Variants in INTS4 observed in about 807,000 individuals in gnomAD.
INTS4 encodes the protein MSTP093.
In INTS4, 70 loss-of-function variants were observed where a neutral mutation model predicts 119.5. That is an observed-to-expected ratio of 0.59 (90% CI 0.48 to 0.71). The LOEUF (loss-of-function observed/expected upper bound fraction) is 0.71, where lower values mean the gene tolerates loss of function less well. Among genes scored for constraint, INTS4 ranks in the 30% least tolerant of loss-of-function variants. The pLI is 0.00. For synonymous variants in INTS4, 316 were observed against 419.6 expected (o/e 0.75, Z 3.02); for missense variants, 867 against 1,173.2 (o/e 0.74, Z 3.81).
intron 4 of INTS4, chr11:77,978,168 AG>A (rs1481100618): frequency 6.6e-6 from 1 of 152,178 alleles, no homozygotes; most frequent in Non-Finnish European, 1.5e-5. Context: ...CTGGGATTAT[AG>A]GTGTGAGCCA....
intron 8 of INTS4, among the ~76,000 whole-genome samples, chr11:77,945,906 GC>G (rs1954037288): frequency 6.6e-6 from 1 of 152,116 alleles, no homozygotes; most frequent in African/African-American, 2.4e-5. Flanking sequence ...CTGCCAAACT[GC>G]CCAGCCCCAC....
chr11:77,980,476 C>T (rs778253118), intron 3 of INTS4, among the ~76,000 whole-genome samples: 1 of 152,038 alleles, frequency 6.6e-6, no homozygotes, highest in Non-Finnish European at 1.5e-5. Flanking sequence ...ATCTCCTAGG[C>T]CCAAGAAGTC....
At chr11:77,895,887 T>G (rs1252482310) in intron 18 of INTS4, among the ~76,000 whole-genome samples, 1 of 152,142 alleles carries the variant, frequency 6.6e-6, no homozygotes, top group Non-Finnish European at 1.5e-5. Context: ...TTTCCTTTGG[T>G]GTGAGGGAAG....
chr11:77,968,464 T>C (rs1291609639), intron 4 of INTS4, among the ~76,000 whole-genome samples: 2 of 152,094 alleles, frequency 1.3e-5, no homozygotes, highest in Non-Finnish European at 2.9e-5. Context: ...AAACAGAATA[T>C]AGAATGGTGG....
intron 2 of INTS4, 57 bp from the exon 3 acceptor site, chr11:77,981,633 C>T (rs1177099550): frequency 5.0e-6 from 4 of 802,564 alleles, no homozygotes; most frequent in African/African-American, 1.7e-5. Flanking sequence ...AACCAACAAA[C>T]AGGAACATGG....
chr11:77,966,432 G>A (rs535069487), intron 4 of INTS4, among the ~76,000 whole-genome samples: 1 of 152,152 alleles, frequency 6.6e-6, no homozygotes, highest in Non-Finnish European at 1.5e-5. Context: ...ACAGTTTCAG[G>A]TCGTATGTTT....
rs570357483 is a variant in INTS4, at chr11:77,922,635, C to T, written c.1515-164G>A. The stretch of plus-strand genomic sequence containing the variant: ...GATAAGTCACCCAGTTATTCTGGAA[C>T]TCGGTTAATTCATCTAAAAAAACTG... On this transcript the variant is annotated intron_variant, in intron 12 of 22. Coordinates refer to ENST00000534064, the MANE Select transcript of INTS4 (RefSeq NM_033547.4). 5.0e-6 allele frequency: 5 copies of T among 998,888 alleles called. No individual in the cohort carries two copies. The East Asian group carries it at 1.3e-4, about 27-fold the overall frequency. The allele number at this position is 998,888 out of a possible 1,614,324, so 61.9% of individuals were successfully genotyped here. A position where few individuals can be genotyped will look rare whatever the true frequency, so the allele number is the denominator to read the frequency against.
chr11:77,976,342 T>C lies in INTS4; in HGVS notation c.471+2654A>G, dbSNP rs573895741. 8.8e-4 allele frequency among the ~76,000 whole-genome samples: 134 copies of C among 152,254 alleles called. No individual in the cohort carries two copies. The Middle Eastern group carries it at 0.01, about 12-fold the overall frequency. On this transcript the variant is annotated intron_variant, in intron 4 of 22. Transcript: ENST00000534064. ...TTCACACACGTAATCTCGGGCAACA[T>C]AGCAAGACCTTCGTCTTTTTTTCAA...
chr11:77,986,402 G>C (rs1002252312), intron 2 of INTS4, among the ~76,000 whole-genome samples: 3 of 152,210 alleles, frequency 2.0e-5, no homozygotes, highest in African/African-American at 7.2e-5. Context: ...GTGTAAATTA[G>C]TTCAACCATT....
chr11:77,885,749 G>A (rs1951978737), intron 21 of INTS4, among the ~76,000 whole-genome samples: 1 of 152,078 alleles, frequency 6.6e-6, no homozygotes, highest in African/African-American at 2.4e-5. Flanking sequence ...AACCTGGGAG[G>A]CAGAGGTTGC....
intron 2 of INTS4, among the ~76,000 whole-genome samples, chr11:77,984,395 G>A (rs1315202261): frequency 2.6e-5 from 4 of 152,002 alleles, no homozygotes; most frequent in Admixed American, 6.6e-5. Context: ...TCGGGAGGCC[G>A]AGGCAGGAGA....
intron 18 of INTS4, among the ~76,000 whole-genome samples, chr11:77,899,985 T>TA (rs951328649): frequency 3.9e-5 from 6 of 151,958 alleles, no homozygotes; most frequent in African/African-American, 1.2e-4. Context: ...ATATATAAAC[T>TA]AAAAAAAATC....
intron 4 of INTS4, among the ~76,000 whole-genome samples, chr11:77,965,921 T>C (rs1855485485): frequency 6.6e-6 from 1 of 152,244 alleles, no homozygotes. Flanking sequence ...TAAATAGTTG[T>C]ACTAATTTAC....
chr11:77,967,359 T>C (rs958780160), intron 4 of INTS4, among the ~76,000 whole-genome samples: 1 of 152,164 alleles, frequency 6.6e-6, no homozygotes, highest in African/African-American at 2.4e-5. Flanking sequence ...GTTAGTTGTC[T>C]TTAAGCCAGT....
intron 2 of INTS4, among the ~76,000 whole-genome samples, chr11:77,983,908 G>T (rs1856347568): frequency 6.6e-6 from 1 of 152,082 alleles, no homozygotes; most frequent in South Asian, 2.1e-4. Flanking sequence ...TTAAAGCAGG[G>T]TCTTGAAGAA....
chr11:77,924,727 T>C, intron 12 of INTS4, 23 bp downstream of exon 12: 2 of 1,597,216 alleles, frequency 1.3e-6, no homozygotes, highest in Non-Finnish European at 1.7e-6. Flanking sequence ...ACTCAGTGAG[T>C]AAATGGGCAA....
intron 2 of INTS4, among the ~76,000 whole-genome samples, chr11:77,983,086 A>C (rs1456062507): frequency 6.6e-6 from 1 of 152,204 alleles, no homozygotes; most frequent in Non-Finnish European, 1.5e-5. Context: ...TTCACTACAC[A>C]ACAGCTGTAT....
chr11:77,961,640 C>A (rs1293248984), intron 4 of INTS4, among the ~76,000 whole-genome samples: 1 of 152,170 alleles, frequency 6.6e-6, no homozygotes, highest in Admixed American at 6.5e-5. Flanking sequence ...CTCCCAGCAA[C>A]AACCTCACCA....
At chr11:77,906,926 C>G (rs1334790860) in intron 16 of INTS4, among the ~76,000 whole-genome samples, 1 of 152,184 alleles carries the variant, frequency 6.6e-6, no homozygotes, top group Non-Finnish European at 1.5e-5. Context: ...AGATACTGAA[C>G]TCATTTAATT....
Sources: gnomAD v4.1 joint callset for allele counts (sites outside exome capture counted in the v4.1 genomes callset) on GRCh38, gnomAD v4.1.1 for gene constraint, MANE v1.5 for transcripts, NCBI Gene and HGNC (gene_info 2026-07-23, HGNC 2026-07-21) for gene names.